Variants in CFAP91 observed in about 807,000 individuals in gnomAD.
CFAP91 encodes cilia- and flagella-associated protein 91.
Under a neutral mutation model 95.9 loss-of-function variants are expected in CFAP91, and 85 were observed. The ratio of observed to expected loss-of-function variants is 0.89; its 90% CI spans 0.74 to 1.06. The LOEUF (loss-of-function observed/expected upper bound fraction) is 1.06, where lower values mean the gene tolerates loss of function less well. Ranked by LOEUF, CFAP91 falls within the 50% of genes least tolerant of loss-of-function variation. The pLI, the probability that CFAP91 is intolerant of heterozygous loss-of-function variation, is 0.00. For synonymous variants in CFAP91, 335 were observed against 327.5 expected (o/e 1.02, Z -0.25); for missense variants, 962 against 943.4 (o/e 1.02, Z -0.26).
Position 119,747,179 on chromosome 3 carries a change from C to T in CFAP91, c.1967C>T (p.Ala656Val), listed in dbSNP as rs768284809. 6.8e-6 allele frequency: 11 copies of T among 1,613,312 alleles called. No individual in the cohort carries two copies. Among genetic ancestry groups the T allele is most frequent in the East Asian group, 6.7e-5 (3 of 44,864 alleles). Residue 656 changes from alanine to valine, a missense_variant, in exon 15 of 18, where the codon GCG becomes GTG. By Grantham distance (64) the Ala-to-Val change is moderately conservative. Coordinates refer to ENST00000273390, the MANE Select transcript of CFAP91 (RefSeq NM_033364.4). ...YLEDIILNTE[A>V]NTAEEQARAE... Reference sequence around the variant, plus strand: ...GAAGACATAATACTGAATACCGAAGCGAATACTGCAGAAGAACAAGCCAGG... The same window carrying T: ...GAAGACATAATACTGAATACCGAAGTGAATACTGCAGAAGAACAAGCCAGG...
chr3:119,730,543 T>C (rs1332768947), intron 8 of CFAP91, among the ~76,000 whole-genome samples, 166 bp downstream of exon 8: 1 of 151,662 alleles, frequency 6.6e-6, no homozygotes, highest in Admixed American at 6.6e-5. Context: ...ATGGAGGAAA[T>C]TCCCTTACTA....
rs75410918 is a variant in CFAP91 at position 119,750,994 on chromosome 3, C to A, written c.2201C>A (p.Thr734Lys). ...LAAHQIIHSY[T>K]ESMVQKKLTE... is the part of the protein sequence containing the mutation. ...GCCCATCAGATCATCCACAGTTACACGGAAAGCATGGTTCAAAAGAAATTA... is the reference window on the plus strand; with the variant it reads ...GCCCATCAGATCATCCACAGTTACAAGGAAAGCATGGTTCAAAAGAAATTA... Residue 734 changes from threonine to lysine, a missense_variant, in exon 17 of 18, where the codon ACG (threonine) becomes AAG (lysine). Physicochemically the swap from Thr to Lys is moderately conservative, Grantham distance 78. Transcript: ENST00000273390. The A allele has an allele frequency of 5.6e-6, 9 of 1,613,874 alleles. No homozygotes were observed. The Admixed American group carries it at 1.5e-4, about 27-fold the overall frequency.
At chr3:119,712,622 C>T (rs1277264502) in intron 5 of CFAP91, among the ~76,000 whole-genome samples, 1 of 152,092 alleles carries the variant, frequency 6.6e-6, no homozygotes, top group African/African-American at 2.4e-5. Context: ...TTTATAGCAA[C>T]TATTGGAAAG....
At chr3:119,757,489 A>T (rs577245274) in intron 17 of CFAP91, among the ~76,000 whole-genome samples, 68 of 151,304 alleles carry the variant, frequency 4.5e-4, no homozygotes, top group African/African-American at 1.6e-3. Flanking sequence ...ACCAAAAATT[A>T]AAAAAAAATT....
chr3:119,716,711 C>T (rs766297195), intron 6 of CFAP91, among the ~76,000 whole-genome samples: 2 of 152,148 alleles, frequency 1.3e-5, no homozygotes, highest in South Asian at 2.1e-4. Context: ...CTCAGTCTCC[C>T]GAGTAGCTGG....
chr3:119,748,687 G>T (rs755166011), intron 16 of CFAP91, among the ~76,000 whole-genome samples: 68 of 152,174 alleles, frequency 4.5e-4, no homozygotes, highest in Non-Finnish European at 7.6e-4. Context: ...AACACATTTG[G>T]AGAGGACAAA....
chr3:119,707,004 T>C (rs989550004), intron 2 of CFAP91, 119 bp downstream of exon 2: 2 of 784,620 alleles, frequency 2.5e-6, no homozygotes, highest in African/African-American at 3.5e-5. Flanking sequence ...TCCACAGAAA[T>C]TACCTTGCCA....
rs760631901 is a variant in CFAP91 at position 119,744,057 on chromosome 3, TGA to T, written c.1766_1767del (p.Arg589ThrfsTer15). ...TTTGACTTCCTGTCCAAAGAGCTGG[TGA>T]GACTGCAGGAGGAGAGGAGGATCCA... is the stretch of plus-strand genomic sequence containing the variant. On this transcript the variant is annotated frameshift_variant, in exon 14 of 18. Coordinates refer to ENST00000273390, the MANE Select transcript of CFAP91 (RefSeq NM_033364.4). LOFTEE classifies it high-confidence loss of function. 1 of 1,614,178 alleles carries T rather than the reference TGA, an allele frequency of 6.2e-7. No individual in the cohort carries two copies. The highest frequency in any genetic ancestry group is 1.1e-5 in the South Asian group (1 of 91,088).
Position 119,715,736 on chromosome 3 carries a change from T to C in CFAP91, c.675T>C (p.Leu225=). Residue 225 remains leucine, a synonymous_variant, in exon 6 of 18, where the codon CTT becomes CTC. Coordinates refer to ENST00000273390, the MANE Select transcript of CFAP91 (RefSeq NM_033364.4). ...CTGAGCTCTTGACCCTGGCTACGCT[T>C]ACTTGGGGTGAGTTGGTAAATCTCC... ...SIPELLTLAT[L]TWGRGLPAGQ... 6.2e-7 allele frequency: 1 copy of C among 1,613,852 alleles called. No individual in the cohort carries two copies. Among genetic ancestry groups the C allele is most frequent in the South Asian group, 1.1e-5 (1 of 91,076 alleles).
intron 6 of CFAP91, among the ~76,000 whole-genome samples, chr3:119,722,066 A>G (rs2053695058): frequency 6.6e-6 from 1 of 151,928 alleles, no homozygotes; most frequent in African/African-American, 2.4e-5. Flanking sequence ...CTAGCTACTC[A>G]AGAAGCTGAT....
chr3:119,750,341 T>A (rs530088945), intron 16 of CFAP91: 1 of 154,232 alleles, frequency 6.5e-6, no homozygotes, highest in Non-Finnish European at 1.4e-5. Context: ...AAATGCTAAC[T>A]GTTAACATCA....
intron 16 of CFAP91, 195 bp from the exon 17 acceptor site, chr3:119,750,742 G>C (rs1355008803): frequency 8.4e-6 from 5 of 593,162 alleles, no homozygotes; most frequent in Admixed American, 2.9e-5. Flanking sequence ...GAGTGGAATG[G>C]AGGCAAGCCT....
chr3:119,709,724 A>G (rs2053439919), intron 4 of CFAP91, 115 bp from the exon 5 acceptor site: 1 of 777,332 alleles, frequency 1.3e-6, no homozygotes, highest in African/African-American at 1.7e-5. Context: ...TAACACTGAT[A>G]TATGGGATAT....
chr3:119,730,389 G>A lies in CFAP91; in HGVS notation c.1018+12G>A, dbSNP rs755231831. 2 of 1,609,566 alleles carry A rather than the reference G, an allele frequency of 1.2e-6. No individual in the cohort carries two copies. The highest frequency in any genetic ancestry group is 2.2e-5 in the South Asian group (2 of 90,112). ...CACGCATGTATCAAGTAATGGTGTA[G>A]TATGAACAATGAAGACGGTGGAAAA... On this transcript the variant is annotated intron_variant, in intron 8 of 17. Transcript: ENST00000273390.
intron 3 of CFAP91, among the ~76,000 whole-genome samples, chr3:119,708,370 T>C (rs146409614): frequency 2.2e-4 from 33 of 152,304 alleles, no homozygotes; most frequent in African/African-American, 7.7e-4. Context: ...TCCACTCTTT[T>C]CTCAGCTCTT....
At chr3:119,739,117 G>A (rs1266087390) in intron 11 of CFAP91, 138 bp from the exon 12 acceptor site, 1 of 711,794 alleles carries the variant, frequency 1.4e-6, no homozygotes, top group Admixed American at 2.1e-5. Flanking sequence ...ATAAGGGCAG[G>A]GACCATCTTT....
At chr3:119,720,780 C>T (rs1005301080) in intron 6 of CFAP91, among the ~76,000 whole-genome samples, 2 of 152,180 alleles carry the variant, frequency 1.3e-5, no homozygotes, top group African/African-American at 4.8e-5. Flanking sequence ...TTTGGATGCG[C>T]AAGTCTCTTA....
chr3:119,703,734 A>G (rs960387663), intron 1 of CFAP91, among the ~76,000 whole-genome samples: 8 of 152,170 alleles, frequency 5.3e-5, no homozygotes, highest in South Asian at 2.1e-4. Flanking sequence ...CTCTTGGGCC[A>G]ATAAAACCCC....
intron 13 of CFAP91, among the ~76,000 whole-genome samples, chr3:119,743,588 A>C (rs2054163016): frequency 6.6e-6 from 1 of 152,252 alleles, no homozygotes. Flanking sequence ...TAGGAGATTC[A>C]ATTTGATTAA....
Sources: gnomAD v4.1 joint callset for allele counts (sites outside exome capture counted in the v4.1 genomes callset) on GRCh38, gnomAD v4.1.1 for gene constraint, MANE v1.5 for transcripts, NCBI Gene and HGNC (gene_info 2026-07-23, HGNC 2026-07-21) for gene names.